Variants in TRABD2B observed in about 807,000 individuals in gnomAD.
The protein encoded by TRABD2B is TraB domain containing 2B.
Under a neutral mutation model 40.1 loss-of-function variants are expected in TRABD2B, and 14 were observed. The ratio of observed to expected loss-of-function variants is 0.35; its 90% CI spans 0.23 to 0.55. The LOEUF (loss-of-function observed/expected upper bound fraction) is 0.55. Ranked by LOEUF, TRABD2B falls within the 20% of genes least tolerant of loss-of-function variation. The probability of loss-of-function intolerance (pLI) is 0.90; values close to 1 mark genes in which losing one functional copy is unlikely to be tolerated. For synonymous variants in TRABD2B, 263 were observed against 277.0 expected (o/e 0.95, Z 0.50); for missense variants, 541 against 648.6 (o/e 0.83, Z 1.80).
At chr1:47,784,967 G>C (rs1459996429) in intron 4 of TRABD2B, among the ~76,000 whole-genome samples, 2 of 152,186 alleles carry the variant, frequency 1.3e-5, no homozygotes, top group African/African-American at 4.8e-5. Context: ...GCAGTGCCAG[G>C]GGCCATGGGG....
chr1:47,936,169 A>G (rs1408892687), intron 2 of TRABD2B, among the ~76,000 whole-genome samples: 4 of 152,212 alleles, frequency 2.6e-5, no homozygotes, highest in Admixed American at 6.5e-5. Context: ...GCTGAATGCA[A>G]AGGGTGTGAT....
chr1:47,952,216 T>A (rs1406857197), intron 2 of TRABD2B, among the ~76,000 whole-genome samples: 1 of 152,152 alleles, frequency 6.6e-6, no homozygotes, highest in Non-Finnish European at 1.5e-5. Flanking sequence ...CTGCCCCTGG[T>A]TCTTTGCTCC....
intron 6 of TRABD2B, among the ~76,000 whole-genome samples, chr1:47,769,590 C>T (rs1027457306): frequency 1.3e-5 from 2 of 152,192 alleles, no homozygotes; most frequent in Non-Finnish European, 2.9e-5. Flanking sequence ...AAAGCTCAGT[C>T]CCCCAGTCCA....
chr1:47,827,122 C>T (rs1645186793), intron 2 of TRABD2B, among the ~76,000 whole-genome samples: 1 of 152,132 alleles, frequency 6.6e-6, no homozygotes, highest in Non-Finnish European at 1.5e-5. Flanking sequence ...CTGGGGCTGC[C>T]AGGGATGCCA....
At chr1:47,814,727 C>T (rs888505492) in intron 2 of TRABD2B, among the ~76,000 whole-genome samples, 3 of 152,170 alleles carry the variant, frequency 2.0e-5, no homozygotes, top group South Asian at 4.1e-4. Flanking sequence ...AAGAAGACTG[C>T]GTGGGACCCG....
At chr1:47,838,667 C>T (rs1328409128) in intron 2 of TRABD2B, among the ~76,000 whole-genome samples, 6 of 152,176 alleles carry the variant, frequency 3.9e-5, no homozygotes, top group Admixed American at 2.6e-4. Context: ...TGTAAGGAGA[C>T]GCAGTGTAAA....
At chr1:47,987,215 A>G (rs1645931926) in intron 2 of TRABD2B, among the ~76,000 whole-genome samples, 1 of 152,076 alleles carries the variant, frequency 6.6e-6, no homozygotes, top group African/African-American at 2.4e-5. Flanking sequence ...AAGATCAGAC[A>G]ATATGTTTGC....
At chr1:47,922,023 G>A (rs753589203) in intron 2 of TRABD2B, among the ~76,000 whole-genome samples, 58 of 152,172 alleles carry the variant, frequency 3.8e-4, no homozygotes, top group Non-Finnish European at 2.6e-4. Context: ...CAGCTAATGA[G>A]AGGCAGAACT....
At chr1:47,812,575 C>G in intron 2 of TRABD2B, among the ~76,000 whole-genome samples, 1 of 145,790 alleles carries the variant, frequency 6.9e-6, no homozygotes, top group East Asian at 2.0e-4. Context: ...AACAAAGAGC[C>G]AGATATGCTG....
At chr1:47,943,507 A>C (rs964126635) in intron 2 of TRABD2B, among the ~76,000 whole-genome samples, 1 of 152,148 alleles carries the variant, frequency 6.6e-6, no homozygotes, top group South Asian at 2.1e-4. Context: ...GATCACAGAA[A>C]TCAGAGTCCA....
chr1:47,945,396 T>A (rs927392944), intron 2 of TRABD2B, among the ~76,000 whole-genome samples: 1 of 152,228 alleles, frequency 6.6e-6, no homozygotes, highest in South Asian at 2.1e-4. Context: ...AAAGCTTTAC[T>A]AGCCTGCTCT....
At chr1:47,939,135 C>T (rs969284828) in intron 2 of TRABD2B, among the ~76,000 whole-genome samples, 19 of 151,816 alleles carry the variant, frequency 1.3e-4, no homozygotes, top group African/African-American at 4.6e-4. Context: ...TAATGCCAAC[C>T]CCCCCACCCC....
chr1:47,880,879 T>C (rs1420547515), intron 2 of TRABD2B, among the ~76,000 whole-genome samples: 1 of 152,210 alleles, frequency 6.6e-6, no homozygotes, highest in African/African-American at 2.4e-5. Context: ...TTTTCCTCAA[T>C]TGCTGAGAAC....
At chr1:47,914,901 C>G (rs1644810046) in intron 2 of TRABD2B, among the ~76,000 whole-genome samples, 1 of 152,266 alleles carries the variant, frequency 6.6e-6, no homozygotes, top group African/African-American at 2.4e-5. Flanking sequence ...CAGATAGACA[C>G]AGTCCTCTGT....
At chr1:47,991,252 T>G (rs922476965) in intron 2 of TRABD2B, among the ~76,000 whole-genome samples, 1 of 152,142 alleles carries the variant, frequency 6.6e-6, no homozygotes, top group Admixed American at 6.5e-5. Context: ...AGGGTTGTTA[T>G]GAGAATTCAA....
intron 4 of TRABD2B, among the ~76,000 whole-genome samples, chr1:47,781,823 C>T (rs1644527812): frequency 6.6e-6 from 1 of 152,242 alleles, no homozygotes; most frequent in Non-Finnish European, 1.5e-5. Flanking sequence ...GTTTCTACCA[C>T]CCTGCCCTCT....
intron 2 of TRABD2B, among the ~76,000 whole-genome samples, chr1:47,916,939 T>C (rs1446676367): frequency 1.3e-5 from 2 of 152,252 alleles, no homozygotes; most frequent in East Asian, 1.9e-4. Flanking sequence ...CTGTACACAG[T>C]TTAACGTTTG....
chr1:47,996,888 G>C lies in TRABD2B; in HGVS notation c.-99C>G, dbSNP rs1318738453. On this transcript the variant is annotated 5_prime_UTR_variant, in exon 1 of 7. Coordinates refer to ENST00000606738, the MANE Select transcript of TRABD2B (RefSeq NM_001194986.2). The surrounding 1 kb of genome is among the most constrained non-coding windows in gnomAD (Gnocchi z 4.6). ...GGCACGGAGTTTCCTCTGGAGCACG[G>C]GGCTCCAGCCGCAGGATGCTGGGCG... 1 of 1,133,382 alleles carries C rather than the reference G, an allele frequency of 8.8e-7. No individual in the cohort carries two copies. Among genetic ancestry groups the C allele is most frequent in the African/African-American group, 1.6e-5 (1 of 60,954 alleles). The allele number at this position is 1,133,382 out of a possible 1,614,324, so 70.2% of individuals were successfully genotyped here.
intron 2 of TRABD2B, among the ~76,000 whole-genome samples, chr1:47,844,450 T>C (rs1015759931): frequency 6.6e-6 from 1 of 152,148 alleles, no homozygotes; most frequent in Non-Finnish European, 1.5e-5. Context: ...ATGTGATGTG[T>C]TTCTCTCATT....
Sources: allele counts gnomAD v4.1 joint callset (sites outside exome capture counted in the v4.1 genomes callset), GRCh38; gene constraint gnomAD v4.1.1; non-coding constraint Gnocchi (gnomAD v3.1); transcripts MANE v1.5; gene names NCBI Gene and HGNC (gene_info 2026-07-23, HGNC 2026-07-21).